ANAPC1: variants seen among roughly 807,000 people sequenced by gnomAD.
ANAPC1 encodes the protein anaphase-promoting complex subunit 1.
Under a neutral mutation model 208.0 loss-of-function variants are expected in ANAPC1, and 36 were observed. The observed-to-expected ratio is 0.17, with a 90% CI of 0.13 to 0.23. The LOEUF is 0.23. Among genes scored for constraint, ANAPC1 ranks in the 10% least tolerant of loss-of-function variants. The pLI is 1.00. For synonymous variants in ANAPC1, 378 were observed against 695.2 expected (o/e 0.54, Z 7.18); for missense variants, 942 against 2,011.6 (o/e 0.47, Z 10.17).
chr2:111,769,738 G>A (rs1293592240), intron 47 of ANAPC1, among the ~76,000 whole-genome samples: 1 of 138,570 alleles, frequency 7.2e-6, no homozygotes, highest in Non-Finnish European at 1.5e-5. Context: ...CTGGAGTGCA[G>A]TGGCGCTCTC....
intron 29 of ANAPC1, among the ~76,000 whole-genome samples, chr2:111,808,571 T>A (rs1678814242): frequency 6.6e-6 from 1 of 152,052 alleles, no homozygotes; most frequent in Non-Finnish European, 1.5e-5. Flanking sequence ...ATGTGTTTAG[T>A]TTAGTGTCTC....
chr2:111,864,592 G>A (rs1336727051), intron 8 of ANAPC1, among the ~76,000 whole-genome samples: 1 of 150,672 alleles, frequency 6.6e-6, no homozygotes, highest in Non-Finnish European at 1.5e-5. Flanking sequence ...AGCCTCCCGA[G>A]TAGATAGGAT....
chr2:111,844,641 T>C (rs1199515669), intron 16 of ANAPC1, among the ~76,000 whole-genome samples: 1 of 151,362 alleles, frequency 6.6e-6, no homozygotes, highest in African/African-American at 2.4e-5. Flanking sequence ...AAATACTGCC[T>C]ACATACTTCA....
intron 29 of ANAPC1, among the ~76,000 whole-genome samples, chr2:111,807,613 AC>A (rs1678749851): frequency 6.7e-6 from 1 of 150,374 alleles, no homozygotes; most frequent in Non-Finnish European, 1.5e-5. Flanking sequence ...AATGGCGTGA[AC>A]CCGGGAGGCG....
At chr2:111,842,233 T>C (rs1323951621) in intron 17 of ANAPC1, among the ~76,000 whole-genome samples, 1 of 152,258 alleles carries the variant, frequency 6.6e-6, no homozygotes, top group Non-Finnish European at 1.5e-5. Context: ...TATTTTTATA[T>C]AGAAGGTAAC....
chr2:111,870,024 C>A (rs183933984), intron 6 of ANAPC1, among the ~76,000 whole-genome samples: 6 of 152,330 alleles, frequency 3.9e-5, no homozygotes, highest in Non-Finnish European at 7.3e-5. Flanking sequence ...CCAGTTCCAT[C>A]CAGCTTGCTG....
intron 17 of ANAPC1, among the ~76,000 whole-genome samples, chr2:111,842,194 T>G (rs568091826): frequency 5.9e-5 from 9 of 152,102 alleles, no homozygotes; most frequent in Non-Finnish European, 1.2e-4. Flanking sequence ...TTAGAAAAAA[T>G]TTTTAATGAT....
chr2:111,849,429 C>G lies in ANAPC1; in HGVS notation c.1650+1347G>C, dbSNP rs192200545. Among the ~76,000 whole-genome samples the G allele has an allele frequency of 7.6e-4, 116 of 152,270 alleles. No individual in the cohort carries two copies. In the East Asian group the frequency reaches 0.014, roughly 19 times the overall value. On this transcript the variant is annotated intron_variant, in intron 14 of 47. Coordinates refer to ENST00000341068, the MANE Select transcript of ANAPC1 (RefSeq NM_022662.4). ...GTGCTGGTTTGAAGGAAAAAAAATT[C>G]AATGTGGCACATGTTTAAAAATATA...
chr2:111,878,875 T>G lies in ANAPC1; in HGVS notation c.310A>C (p.Lys104Gln). 6.2e-7 allele frequency: 1 copy of G among 1,608,606 alleles called. No homozygotes were observed. Among genetic ancestry groups the G allele is most frequent in the Non-Finnish European group, 8.5e-7 (1 of 1,178,196 alleles). ...GCCAATGCCTGGCTTTTACTTCCTT[T>G]GCTCCATATCACCATATTTCCAGCA... ...YVAGNMVIWS[K>Q]GSKSQALAVY... Residue 104 changes from lysine (K) to glutamine (Q), a missense_variant, in exon 3 of 48, where the codon AAA becomes CAA. Coordinates refer to ENST00000341068, the MANE Select transcript of ANAPC1 (RefSeq NM_022662.4).
chr2:111,821,503 C>T (rs1264780112), intron 25 of ANAPC1, 50 bp from the exon 26 acceptor site: 6 of 1,408,254 alleles, frequency 4.3e-6, no homozygotes, highest in Non-Finnish European at 6.0e-6. Flanking sequence ...AGTTAACATG[C>T]ACTTGCTGAA....
At position 111,852,689 on chromosome 2, in the gene ANAPC1, C is replaced by T. The variant is rs534875784; in HGVS notation, c.1516-1779G>A. Among the ~76,000 whole-genome samples the T allele has an allele frequency of 4.6e-5, 7 of 152,088 alleles. No individual in the cohort carries two copies. In the South Asian group the frequency reaches 1.5e-3, roughly 32 times the overall value. On this transcript the variant is annotated intron_variant, in intron 13 of 47. Transcript: ENST00000341068. Reference sequence around the variant, plus strand: ...TCCATGACCAAATCTGGCTCGTATCCTGTTTTTGTACAGTCTGTGAGCTAA... The same window carrying T: ...TCCATGACCAAATCTGGCTCGTATCTTGTTTTTGTACAGTCTGTGAGCTAA...
chr2:111,798,708 T>C (rs1558674265), intron 34 of ANAPC1, among the ~76,000 whole-genome samples: 2 of 152,118 alleles, frequency 1.3e-5, no homozygotes, highest in Admixed American at 1.3e-4. Context: ...AAAATGAATA[T>C]GCAAGCCACA....
chr2:111,837,487 G>A (rs567565000), intron 18 of ANAPC1, among the ~76,000 whole-genome samples: 3 of 152,330 alleles, frequency 2.0e-5, no homozygotes, highest in African/African-American at 7.2e-5. Flanking sequence ...AGGCGTGGTG[G>A]CGCATGCCTA....
chr2:111,823,279 A>C (rs1679644918), intron 24 of ANAPC1, among the ~76,000 whole-genome samples: 1 of 151,808 alleles, frequency 6.6e-6, no homozygotes, highest in Admixed American at 6.6e-5. Flanking sequence ...GGCCTCCCAA[A>C]GTGCTGGCAT....
intron 18 of ANAPC1, among the ~76,000 whole-genome samples, chr2:111,835,859 A>T (rs537678696): frequency 6.6e-6 from 1 of 152,222 alleles, no homozygotes; most frequent in South Asian, 2.1e-4. Context: ...AAATAAAATA[A>T]AATAAAAAAC....
chr2:111,846,817 G>A (rs897032160), intron 16 of ANAPC1, among the ~76,000 whole-genome samples: 69 of 151,840 alleles, frequency 4.5e-4, no homozygotes, highest in African/African-American at 1.4e-3. Context: ...CGATCCACCC[G>A]CCTCAGTCTC....
At chr2:111,790,931 G>A (rs1316468388) in intron 38 of ANAPC1, among the ~76,000 whole-genome samples, 1 of 152,196 alleles carries the variant, frequency 6.6e-6, no homozygotes, top group Non-Finnish European at 1.5e-5. Flanking sequence ...GGCAAACAGG[G>A]AGTTGTTCAA....
At chr2:111,817,774 C>T (rs1216648495) in intron 27 of ANAPC1, among the ~76,000 whole-genome samples, 1 of 97,862 alleles carries the variant, frequency 1.0e-5, no homozygotes, top group African/African-American at 3.4e-5. Context: ...ATATACTATA[C>T]ACTCCTACAA....
chr2:111,842,523 G>C (rs1452068072), intron 17 of ANAPC1, among the ~76,000 whole-genome samples: 1 of 151,846 alleles, frequency 6.6e-6, no homozygotes. Context: ...GGCGCCTGTA[G>C]TCCTGGCTAC....
Sources: gnomAD v4.1 joint callset for allele counts (sites outside exome capture counted in the v4.1 genomes callset) on GRCh38, gnomAD v4.1.1 for gene constraint, MANE v1.5 for transcripts, NCBI Gene and HGNC (gene_info 2026-07-23, HGNC 2026-07-21) for gene names.